The following ARL15 variants were observed in gnomAD, a reference collection of about 807,000 sequenced individuals.
The protein encoded by ARL15 is ARF like GTPase 15.
Under a neutral mutation model 25.2 loss-of-function variants are expected in ARL15, and 19 were observed. The ratio of observed to expected loss-of-function variants is 0.75; its 90% CI spans 0.53 to 1.10. ARL15 has a LOEUF of 1.10. ARL15 is among the 50% of genes least tolerant of loss of function. ARL15 has a pLI of 0.00. For missense variants in ARL15, 220 were observed against 246.0 expected, an observed-to-expected ratio of 0.89 and a Z score of 0.71; for synonymous variants, 94 against 86.8, an observed-to-expected ratio of 1.08 and a Z score of -0.46.
At chr5:54,020,631 A>G (rs535575376) in intron 4 of ARL15, among the ~76,000 whole-genome samples, 1 of 152,254 alleles carries the variant, frequency 6.6e-6, no homozygotes, top group South Asian at 2.1e-4. Context: ...TTGTCATACC[A>G]AGAACCAGAA....
intron 1 of ARL15, among the ~76,000 whole-genome samples, chr5:54,247,679 C>G (rs1333194797): frequency 1.3e-5 from 2 of 151,642 alleles, no homozygotes; most frequent in East Asian, 1.9e-4. Flanking sequence ...AAAAATTCCC[C>G]TTCAAAATCT....
chr5:54,125,464 C>T (rs1270334299), intron 3 of ARL15, among the ~76,000 whole-genome samples: 1 of 152,116 alleles, frequency 6.6e-6, no homozygotes, highest in Non-Finnish European at 1.5e-5. Flanking sequence ...GCTGCCCCCA[C>T]AAGGAAATGA....
intron 4 of ARL15, among the ~76,000 whole-genome samples, chr5:54,074,970 T>C (rs1393016788): frequency 6.7e-6 from 1 of 148,374 alleles, no homozygotes; most frequent in African/African-American, 2.5e-5. Flanking sequence ...AGGAATTTTA[T>C]ATCCCCACAA....
intron 4 of ARL15, among the ~76,000 whole-genome samples, chr5:53,950,287 G>A (rs75788380): frequency 6.6e-6 from 1 of 151,238 alleles, no homozygotes; most frequent in East Asian, 1.9e-4. Context: ...AAAAAAAAAC[G>A]ACTATGCTCA....
At chr5:53,960,797 A>C (rs1013277726) in intron 4 of ARL15, among the ~76,000 whole-genome samples, 2 of 152,220 alleles carry the variant, frequency 1.3e-5, no homozygotes, top group African/African-American at 4.8e-5. Flanking sequence ...CTCCCAGCTC[A>C]GAGTATTCCA....
At chr5:54,037,731 T>G (rs1352628785) in intron 4 of ARL15, among the ~76,000 whole-genome samples, 2 of 152,122 alleles carry the variant, frequency 1.3e-5, no homozygotes, top group Non-Finnish European at 2.9e-5. Flanking sequence ...TGATAGGCAC[T>G]TTTAAAACTT....
At chr5:54,154,717 C>CT (rs1754172071) in intron 2 of ARL15, 78 bp from the exon 3 acceptor site, 5 of 799,610 alleles carry the variant, frequency 6.3e-6, no homozygotes, top group Non-Finnish European at 9.7e-6. Context: ...CAAATTGTCT[C>CT]TTTTTAGGCT....
Position 53,883,953 on chromosome 5 carries a change from A to G in ARL15, c.*2608T>C, listed in dbSNP as rs1744432245. On this transcript the variant is annotated 3_prime_UTR_variant, in exon 5 of 5. Transcript: ENST00000504924. The stretch of plus-strand genomic sequence containing the variant: ...TAGTCTGAAAACACCAGTTCTACTC[A>G]GCGTTTATTTTTCATTTGAAGATAG... The G allele has an allele frequency of 6.6e-6, 1 of 152,158 alleles. No homozygotes were observed. The highest frequency in any genetic ancestry group is 2.4e-5 in the African/African-American group (1 of 41,436). The allele number at this position is 152,158 out of a possible 1,614,324, so 9.4% of individuals were successfully genotyped here.
At chr5:54,074,453 A>T (rs1751525870) in intron 4 of ARL15, among the ~76,000 whole-genome samples, 2 of 152,210 alleles carry the variant, frequency 1.3e-5, no homozygotes, top group African/African-American at 4.8e-5. Flanking sequence ...GTAAGCTAAT[A>T]AACAACTGAG....
chr5:54,189,618 C>T (rs1338189754), intron 1 of ARL15, among the ~76,000 whole-genome samples: 1 of 152,024 alleles, frequency 6.6e-6, no homozygotes, highest in African/African-American at 2.4e-5. Flanking sequence ...TGTACCCTTA[C>T]CTAATGCCAT....
chr5:54,039,973 T>C (rs74602976), intron 4 of ARL15, among the ~76,000 whole-genome samples: 7,183 of 152,248 alleles, frequency 0.047, 231 homozygotes, highest in Middle Eastern at 0.075. Flanking sequence ...TAAAATTGTA[T>C]GGTTGAAACT....
chr5:54,268,367 T>C (rs547810380), intron 1 of ARL15, among the ~76,000 whole-genome samples: 76 of 152,308 alleles, frequency 5.0e-4, no homozygotes, highest in African/African-American at 1.7e-3. Context: ...TATACATTCG[T>C]CTAAATTTTT....
chr5:53,899,459 C>T (rs1744994456), intron 4 of ARL15, among the ~76,000 whole-genome samples: 1 of 146,444 alleles, frequency 6.8e-6, no homozygotes, highest in Non-Finnish European at 1.5e-5. Context: ...TATTGTTTTC[C>T]TAATCTCTAT....
chr5:54,133,233 G>C (rs1179480250), intron 3 of ARL15, among the ~76,000 whole-genome samples: 1 of 152,158 alleles, frequency 6.6e-6, no homozygotes, highest in Non-Finnish European at 1.5e-5. Flanking sequence ...GAAGATCTGG[G>C]AAGTGCCTAC....
chr5:54,154,379 C>A, intron 3 of ARL15: 1 of 431,232 alleles, frequency 2.3e-6, no homozygotes, highest in Non-Finnish European at 4.1e-6. Flanking sequence ...AAAAAACCCC[C>A]AAAGTTTATG....
chr5:54,259,590 G>A (rs565817399), intron 1 of ARL15, among the ~76,000 whole-genome samples: 22 of 152,278 alleles, frequency 1.4e-4, no homozygotes, highest in Admixed American at 2.6e-4. Flanking sequence ...GATTTTCATG[G>A]TTGGGAGGTC....
chr5:54,151,875 G>A (rs1229746140), intron 3 of ARL15, among the ~76,000 whole-genome samples: 1 of 152,116 alleles, frequency 6.6e-6, no homozygotes, highest in Non-Finnish European at 1.5e-5. Context: ...GACTGGGAAA[G>A]AGTGAAGAAG....
chr5:54,301,346 T>C (rs947084170), intron 1 of ARL15, among the ~76,000 whole-genome samples: 2 of 152,178 alleles, frequency 1.3e-5, no homozygotes, highest in African/African-American at 4.8e-5. Flanking sequence ...TGATACTATA[T>C]ATGGTTTACA....
Position 53,972,369 on chromosome 5 carries a change from C to T in ARL15, c.463-85656G>A, listed in dbSNP as rs140169152. Among the ~76,000 whole-genome samples, 57 of 152,022 alleles carry T rather than the reference C, an allele frequency of 3.7e-4. No homozygotes were observed. The East Asian group carries it at 0.01, about 27-fold the overall frequency. ...TTATTTTCATTATTTTAGTTTGTTCCCCAGTAGCACAGTATATTATAGTAG... is the reference window on the plus strand; with the variant it reads ...TTATTTTCATTATTTTAGTTTGTTCTCCAGTAGCACAGTATATTATAGTAG... On this transcript the variant is annotated intron_variant, in intron 4 of 4. Coordinates refer to ENST00000504924, the MANE Select transcript of ARL15 (RefSeq NM_019087.3).
Sources: gnomAD v4.1 joint callset for allele counts (sites outside exome capture counted in the v4.1 genomes callset) on GRCh38, gnomAD v4.1.1 for gene constraint, MANE v1.5 for transcripts, NCBI Gene and HGNC (gene_info 2026-07-23, HGNC 2026-07-21) for gene names.